MUC5B: variants seen among roughly 807,000 people sequenced by gnomAD.
MUC5B encodes mucin-5B.
In MUC5B, 116 loss-of-function variants were observed where a neutral mutation model predicts 376.9. The ratio of observed to expected loss-of-function variants is 0.31; its 90% CI spans 0.26 to 0.36. MUC5B has a LOEUF of 0.36. Among genes scored for constraint, MUC5B ranks in the 10% least tolerant of loss-of-function variants. The pLI, the probability that MUC5B is intolerant of heterozygous loss-of-function variation, is 1.00. For synonymous variants in MUC5B, 3,517 were observed against 3,390.9 expected (o/e 1.04, Z -1.29); for missense variants, 7,165 against 7,769.9 (o/e 0.92, Z 2.93).
chr11:1,242,466 G>A lies in MUC5B; in HGVS notation c.5586G>A (p.Gln1862=), dbSNP rs1217638036. ...GGCTGACCTGCAAGAACGAAGACCA[G>A]ACAGGCAGGTTCAACATGTGCTTCA... ...ETGLTCKNED[Q]TGRFNMCFNY... is the part of the protein sequence containing the mutation. The change falls in exon 31 of 49, where the codon CAG becomes CAA. Residue 1862 remains glutamine, a synonymous_variant. Coordinates refer to ENST00000529681, the MANE Select transcript of MUC5B (RefSeq NM_002458.3). The A allele has an allele frequency of 1.2e-6, 2 of 1,613,686 alleles. No individual in the cohort carries two copies. Among genetic ancestry groups the A allele is most frequent in the Non-Finnish European group, 1.7e-6 (2 of 1,179,830 alleles).
intron 17 of MUC5B, 63 bp downstream of exon 17, chr11:1,232,833 C>A: frequency 6.6e-7 from 1 of 1,505,888 alleles, no homozygotes; most frequent in South Asian, 1.3e-5. Flanking sequence ...GGACCCTGGC[C>A]GGCAGCAGCC....
In MUC5B at chr11:1,246,623, C is replaced by A. The variant is rs1476961480; in HGVS notation, c.9743C>A (p.Ala3248Asp). The A allele has an allele frequency of 6.2e-7, 1 of 1,612,950 alleles. No homozygotes were observed. The highest frequency in any genetic ancestry group is 8.5e-7 in the Non-Finnish European group (1 of 1,179,470). ...ATCCCCTCTTCCTCCCTGGGCACCGCCTGGACCCGCCTATCACAGACCACC... is the reference window on the plus strand; with the variant it reads ...ATCCCCTCTTCCTCCCTGGGCACCGACTGGACCCGCCTATCACAGACCACC... The part of the protein sequence containing the change: ...TAIPSSSLGT[A>D]WTRLSQTTTP... The change falls in exon 31 of 49, where the codon GCC (alanine) becomes GAC (aspartate). Residue 3248 changes from alanine to aspartate, a missense_variant. By Grantham distance (126) the Ala-to-Asp change is moderately radical. Coordinates refer to ENST00000529681, the MANE Select transcript of MUC5B (RefSeq NM_002458.3).
Position 1,254,212 on chromosome 11 carries a change from G to A in MUC5B, c.15338G>A (p.Ser5113Asn). The part of the protein sequence containing the change: ...REIHARFGNL[S>N]LYLDNHYCTA... The stretch of plus-strand genomic sequence containing the variant: ...ATCCATGCACGCTTTGGGAATCTCA[G>A]CCTCTACCTGGACAACCACTACTGC... Residue 5113 changes from serine to asparagine, a missense_variant, in exon 34 of 49, where the codon AGC becomes AAC. Ser to Asn is a conservative substitution (Grantham distance 46, BLOSUM62 1). This residue lies in a region of MUC5B where 842 missense variants were observed against 1,016.9 expected (regional missense o/e 0.83). Coordinates refer to ENST00000529681, the MANE Select transcript of MUC5B (RefSeq NM_002458.3). 2 of 1,612,758 alleles carry A rather than the reference G, an allele frequency of 1.2e-6. No individual in the cohort carries two copies. Among genetic ancestry groups the A allele is most frequent in the South Asian group, 2.2e-5 (2 of 91,092 alleles).
chr11:1,256,349 G>A (rs1862834089), intron 38 of MUC5B, 124 bp downstream of exon 38: 1 of 630,730 alleles, frequency 1.6e-6, no homozygotes, highest in Non-Finnish European at 2.9e-6. Flanking sequence ...CCCGAGCCCA[G>A]GACTCCTTGG....
chr11:1,241,152 T>C lies in MUC5B; in HGVS notation c.4272T>C (p.Val1424=), dbSNP rs2133823434. The change falls in exon 31 of 49, where the codon GTT becomes GTC. Residue 1424 remains valine, a synonymous_variant. Coordinates refer to ENST00000529681, the MANE Select transcript of MUC5B (RefSeq NM_002458.3). ...TCTGTCACGACTACGAGCTGCGGGT[T>C]CTCTGCTGCGAATACGTGCCCTGTG... is the stretch of plus-strand genomic sequence containing the variant. ...PPLCHDYELR[V]LCCEYVPCGP... 6.2e-7 allele frequency: 1 copy of C among 1,607,318 alleles called. No homozygotes were observed. The highest frequency in any genetic ancestry group is 2.2e-5 in the East Asian group (1 of 44,502).
chr11:1,253,944 C>A lies in MUC5B; in HGVS notation c.15218-148C>A, dbSNP rs1485407080. On this transcript the variant is annotated intron_variant, in intron 33 of 48. Coordinates refer to ENST00000529681, the MANE Select transcript of MUC5B (RefSeq NM_002458.3). The surrounding 1 kb of genome is among the most constrained non-coding windows in gnomAD (Gnocchi z 4.3). ...GGGGACCCCATTCTACACACTGGAC[C>A]CATTTTTATAGACGAGGCAGCTGAG... 1.8e-6 allele frequency: 2 copies of A among 1,101,456 alleles called. No individual in the cohort carries two copies. Among genetic ancestry groups the A allele is most frequent in the East Asian group, 2.6e-5 (1 of 38,630 alleles). 68.2% of individuals were successfully genotyped at this position (1,101,456 alleles called of 1,614,324 possible).
chr11:1,228,384 C>T lies in MUC5B; in HGVS notation c.775-180C>T, dbSNP rs1861938176. The T allele has an allele frequency of 1.3e-5, 8 of 598,294 alleles. No individual in the cohort carries two copies. The Admixed American group carries it at 2.8e-4, about 21-fold the overall frequency. 37.1% of individuals were successfully genotyped at this position (598,294 alleles called of 1,614,324 possible). ...GTAGGGGATCCCCGGTCACGGGTCA[C>T]TCCCCAAGGGCCAAGCAGAGCTCTG... On this transcript the variant is annotated intron_variant, in intron 7 of 48. Transcript: ENST00000529681.
chr11:1,242,552 C>T lies in MUC5B; in HGVS notation c.5672C>T (p.Thr1891Ile), dbSNP rs888091751. The T allele has an allele frequency of 2.5e-6, 4 of 1,613,714 alleles. No homozygotes were observed. The highest frequency in any genetic ancestry group is 3.4e-6 in the Non-Finnish European group (4 of 1,179,820). Residue 1891 changes from threonine (T) to isoleucine (I), a missense_variant, in exon 31 of 49, where the codon ACC becomes ATC. By Grantham distance (89) the Thr-to-Ile change is moderately conservative (BLOSUM62 -1). Transcript: ENST00000529681. ...AGCCACTGCCCCAGTACCCCAGCCA[C>T]CAGCTCCACGGCCACGCCCTCCTCA... ...DYSHCPSTPA[T>I]SSTATPSSTP...
In MUC5B at chr11:1,260,053, C is replaced by A. The variant is rs1391305785; in HGVS notation, c.16891C>A (p.Pro5631Thr). The part of the protein sequence containing the change: ...EGGVHLLTPQ[P>T]ASCPDVSSCR... ...TGGAGTCCATTTGCTGACCCCACAG[C>A]CTGCATCCTGCCCAGATGTGTCCAG... is the stretch of plus-strand genomic sequence containing the variant. Residue 5631 changes from proline to threonine, a missense_variant, in exon 46 of 49, where the codon CCT becomes ACT. By Grantham distance (38) the Pro-to-Thr change is conservative. Coordinates refer to ENST00000529681, the MANE Select transcript of MUC5B (RefSeq NM_002458.3). 6.2e-7 allele frequency: 1 copy of A among 1,612,698 alleles called. No homozygotes were observed. Among genetic ancestry groups the A allele is most frequent in the Admixed American group, 1.7e-5 (1 of 60,008 alleles).
In MUC5B at chr11:1,240,971, T is replaced by C. The variant is rs916526294; in HGVS notation, c.4091T>C (p.Leu1364Pro). ...GGAGACTTTGAGACGTTTGAAAACC[T>C]GAGGCAGAGAGGGTACCAGGTATGC... Reference protein sequence around the residue: ...GGGDFETFENLRQRGYQVCPV... With the variant: ...GGGDFETFENPRQRGYQVCPV... The change falls in exon 31 of 49, where the codon CTG becomes CCG. Residue 1364 changes from leucine (L) to proline (P), a missense_variant. Leu to Pro is a moderately conservative substitution (Grantham distance 98). This residue lies in a region of MUC5B where 517 missense variants were observed against 545.3 expected (regional missense o/e 0.95). Transcript: ENST00000529681. 2 of 1,613,364 alleles carry C rather than the reference T, an allele frequency of 1.2e-6. No individual in the cohort carries two copies. Among genetic ancestry groups the C allele is most frequent in the Admixed American group, 1.7e-5 (1 of 60,012 alleles).
In MUC5B at chr11:1,243,681, T is replaced by A. The variant is rs771475634; in HGVS notation, c.6801T>A (p.Ser2267=). 1 of 1,605,810 alleles carries A rather than the reference T, an allele frequency of 6.2e-7. No homozygotes were observed. Among genetic ancestry groups the A allele is most frequent in the East Asian group, 2.2e-5 (1 of 44,604 alleles). Residue 2267 remains serine, a synonymous_variant, in exon 31 of 49, where the codon TCT becomes TCA. Coordinates refer to ENST00000529681, the MANE Select transcript of MUC5B (RefSeq NM_002458.3). ...GCAGAACCACCGAGTCACCCCCTTC[T>A]CCAGGGACGACCACCCCGGGCCACA... ...PSSRTTESPP[S]PGTTTPGHTT...
rs745945205 is a variant in MUC5B, at chr11:1,262,042, G to A, written c.*434G>A. 5 of 522,268 alleles carry A rather than the reference G, an allele frequency of 9.6e-6. No individual in the cohort carries two copies. Among genetic ancestry groups the A allele is most frequent in the East Asian group, 1.1e-4 (2 of 18,570 alleles). The allele number at this position is 522,268 out of a possible 1,614,324, so 32.4% of individuals were successfully genotyped here. A position where few individuals can be genotyped will look rare whatever the true frequency, so the allele number is the denominator to read the frequency against. ...GGAAGCTGCGACAGGCAAGGCGGCC[G>A]CCTGTCCATGCCTGCTGCAGGGTAA... On this transcript the variant is annotated 3_prime_UTR_variant, in exon 49 of 49. Transcript: ENST00000529681.
At chr11:1,260,201 C>T (rs1284668169) in intron 46 of MUC5B, 116 bp downstream of exon 46, 39 of 1,442,440 alleles carry the variant, frequency 2.7e-5, no homozygotes, top group Non-Finnish European at 3.6e-5. Flanking sequence ...GGAGGCCCCA[C>T]CCCTGCCTGG....
Position 1,248,064 on chromosome 11 carries a change from A to C in MUC5B, c.11184A>C (p.Thr3728=). 6.2e-7 allele frequency: 1 copy of C among 1,603,568 alleles called. No homozygotes were observed. Among genetic ancestry groups the C allele is most frequent in the Non-Finnish European group, 8.5e-7 (1 of 1,176,154 alleles). The change falls in exon 31 of 49, where the codon ACA becomes ACC. Residue 3728 remains threonine, a synonymous_variant. Coordinates refer to ENST00000529681, the MANE Select transcript of MUC5B (RefSeq NM_002458.3). ...TTWILTEPST[T]ATVTVPTGST... ...GGATCCTCACAGAGCCGAGCACTAC[A>C]GCCACCGTGACGGTGCCCACCGGAT... is the stretch of plus-strand genomic sequence containing the variant.
rs1032223134 is a variant in MUC5B, at chr11:1,252,471, C to T, written c.14992C>T (p.Leu4998=). The change falls in exon 32 of 49, where the codon CTG becomes TTG. Residue 4998 remains leucine, a synonymous_variant. Transcript: ENST00000529681. ...CCCACCGCCAGTGTCCTCCGCCCCG[C>T]TGTCCTCGCCCTCCCCTGCCCCTGG... ...TSPPPVSSAP[L]SSPSPAPGCD... The T allele has an allele frequency of 1.3e-6, 2 of 1,596,460 alleles. No individual in the cohort carries two copies. Among genetic ancestry groups the T allele is most frequent in the Admixed American group, 1.8e-5 (1 of 57,138 alleles).
Position 1,234,223 on chromosome 11 carries a change from T to C in MUC5B, c.2396T>C (p.Val799Ala), listed in dbSNP as rs763050064. Residue 799 changes from valine (V) to alanine (A), a missense_variant, in exon 20 of 49, where the codon GTG becomes GCG. By Grantham distance (64) the Val-to-Ala change is moderately conservative. Coordinates refer to ENST00000529681, the MANE Select transcript of MUC5B (RefSeq NM_002458.3). This position sits in a 1 kb window ranked among gnomAD's most constrained non-coding sequence, Gnocchi z 6.3. ...TCCCCAGGGTGTGCAGCCCCCATGGTGTACCTGGACTGCAGCAACAGCTCG... is the reference window on the plus strand; with the variant it reads ...TCCCCAGGGTGTGCAGCCCCCATGGCGTACCTGGACTGCAGCAACAGCTCG... ...QKSTGCAAPM[V>A]YLDCSNSSAG... is the part of the protein sequence containing the mutation. 1.9e-6 allele frequency: 3 copies of C among 1,605,230 alleles called. No homozygotes were observed. The highest frequency in any genetic ancestry group is 2.2e-5 in the South Asian group (2 of 89,122).
rs1167295720 is a variant in MUC5B at position 1,251,531 on chromosome 11, C to T, written c.14651C>T (p.Ala4884Val). 1 of 1,613,082 alleles carries T rather than the reference C, an allele frequency of 6.2e-7. No individual in the cohort carries two copies. Among genetic ancestry groups the T allele is most frequent in the Non-Finnish European group, 8.5e-7 (1 of 1,179,792 alleles). Residue 4884 changes from alanine (A) to valine (V), a missense_variant, in exon 31 of 49, where the codon GCC becomes GTC. Ala to Val is a moderately conservative substitution (Grantham distance 64). Around this residue, in one of 31 missense-constraint regions of MUC5B, gnomAD observed 730 missense variants for 592.7 expected, o/e 1.23. Transcript: ENST00000529681. The stretch of plus-strand genomic sequence containing the variant: ...ACCCCCAAAGTGGTGACCACCATGG[C>T]CACTATGCCCACAGCCACTGCCTCC... ...AHTPKVVTTM[A>V]TMPTATASTV...
chr11:1,256,249 CT>C (rs1440409704), intron 38 of MUC5B, 24 bp downstream of exon 38: 1 of 718,900 alleles, frequency 1.4e-6, no homozygotes, highest in East Asian at 2.7e-5. Flanking sequence ...TGGCTGGTGC[CT>C]TCCCTGCCAC....
At position 1,251,535 on chromosome 11, in the gene MUC5B, T is replaced by G. The variant is rs768531781; in HGVS notation, c.14655T>G (p.Thr4885=). The G allele has an allele frequency of 6.3e-7, 1 of 1,592,938 alleles. No homozygotes were observed. The highest frequency in any genetic ancestry group is 1.1e-5 in the South Asian group (1 of 90,514). Residue 4885 remains threonine, a synonymous_variant, in exon 31 of 49, where the codon ACT becomes ACG. Transcript: ENST00000529681. ...HTPKVVTTMA[T]MPTATASTVP... ...CCAAAGTGGTGACCACCATGGCCACTATGCCCACAGCCACTGCCTCCACGG... is the reference window on the plus strand; with the variant it reads ...CCAAAGTGGTGACCACCATGGCCACGATGCCCACAGCCACTGCCTCCACGG...
Sources: gnomAD v4.1 joint callset for allele counts on GRCh38, gnomAD v4.1.1 for gene constraint, gnomAD v4.1.1 regional missense constraint, Gnocchi (gnomAD v3.1) non-coding constraint, MANE v1.5 for transcripts, NCBI Gene and HGNC (gene_info 2026-07-23, HGNC 2026-07-21) for gene names.